The following KHDRBS2 variants were observed in gnomAD, a reference collection of about 807,000 sequenced individuals.
The protein encoded by KHDRBS2 is KH domain-containing, RNA-binding, signal transduction-associated protein 2.
In KHDRBS2, 26 loss-of-function variants were observed where a neutral mutation model predicts 44.3. The observed-to-expected ratio is 0.59, with a 90% CI of 0.43 to 0.81. KHDRBS2 has a LOEUF of 0.81. KHDRBS2 is among the 40% of genes least tolerant of loss of function. The pLI, the probability that KHDRBS2 is intolerant of heterozygous loss-of-function variation, is 0.00. For missense variants in KHDRBS2, 476 were observed against 433.1 expected (o/e 1.10, Z -0.88); for synonymous variants, 194 against 151.1 (o/e 1.28, Z -2.08).
chr6:61,775,061 T>C (rs1436575142), intron 6 of KHDRBS2, among the ~76,000 whole-genome samples: 1 of 152,142 alleles, frequency 6.6e-6, no homozygotes, highest in African/African-American at 2.4e-5. Context: ...TCTCAAGAGA[T>C]GCAGAAAAGA....
At chr6:61,577,951 A>G in the KHDRBS2 span, among the ~76,000 whole-genome samples, 3 of 152,308 alleles carry the variant, frequency 2.0e-5, no homozygotes, top group South Asian at 6.2e-4. Flanking sequence ...ATATCATCAA[A>G]CACTATAAGT....
At chr6:61,554,306 T>C in the KHDRBS2 span, among the ~76,000 whole-genome samples, 2,281 of 152,272 alleles carry the variant, frequency 0.015, 58 homozygotes, top group African/African-American at 0.053. Context: ...GTCTGTTTTA[T>C]CTGAAATTAG....
At chr6:62,045,177 G>C (rs1195210299) in intron 3 of KHDRBS2, among the ~76,000 whole-genome samples, 1 of 151,962 alleles carries the variant, frequency 6.6e-6, no homozygotes, top group Non-Finnish European at 1.5e-5. Flanking sequence ...AAAGAATGAA[G>C]GTGAGCCAGT....
intron 2 of KHDRBS2, among the ~76,000 whole-genome samples, chr6:62,085,823 G>T (rs1174600159): frequency 6.6e-6 from 1 of 152,142 alleles, no homozygotes; most frequent in African/African-American, 2.4e-5. Context: ...TCATGAAAAA[G>T]GGGCACTGAA....
At chr6:62,248,808 C>G (rs1233214147) in intron 1 of KHDRBS2, among the ~76,000 whole-genome samples, 2 of 152,046 alleles carry the variant, frequency 1.3e-5, no homozygotes, top group African/African-American at 2.4e-5. Flanking sequence ...AGTAAACATG[C>G]TGTACCATTG....
At chr6:61,750,789 C>T (rs901291591) in intron 6 of KHDRBS2, among the ~76,000 whole-genome samples, 3 of 149,124 alleles carry the variant, frequency 2.0e-5, no homozygotes, top group Non-Finnish European at 4.4e-5. Context: ...ATCTAGGAGG[C>T]AATACATCAT....
At chr6:61,834,094 C>T (rs753742149) in intron 6 of KHDRBS2, among the ~76,000 whole-genome samples, 2 of 152,030 alleles carry the variant, frequency 1.3e-5, no homozygotes, top group Non-Finnish European at 2.9e-5. Flanking sequence ...CAAACATAGC[C>T]TTCACCTATA....
intron 6 of KHDRBS2, among the ~76,000 whole-genome samples, chr6:61,883,803 C>G (rs2127319948): frequency 6.6e-6 from 1 of 152,052 alleles, no homozygotes; most frequent in South Asian, 2.1e-4. Flanking sequence ...TTTCAAGAAA[C>G]AAAACTCTGC....
chr6:62,132,030 A>T (rs1388463129), intron 2 of KHDRBS2, among the ~76,000 whole-genome samples: 3 of 152,144 alleles, frequency 2.0e-5, no homozygotes, highest in African/African-American at 7.2e-5. Context: ...CATCTCTATA[A>T]ACTTGCTAAT....
At chr6:61,861,655 G>GTTT (rs1275266652) in intron 6 of KHDRBS2, among the ~76,000 whole-genome samples, 4 of 129,708 alleles carry the variant, frequency 3.1e-5, no homozygotes, top group Non-Finnish European at 4.9e-5. Context: ...GATGCCTCCA[G>GTTT]TTTTGTTTTT....
chr6:62,109,646 T>A lies in KHDRBS2; in HGVS notation c.220-61652A>T, dbSNP rs1260535571. On this transcript the variant is annotated intron_variant, in intron 2 of 8. Transcript: ENST00000281156. Reference sequence around the variant, plus strand: ...ATAGTGGCAATGAACAATTGAAAAATACAATTAAAATACCAGTTACAATAG... The same window carrying A: ...ATAGTGGCAATGAACAATTGAAAAAAACAATTAAAATACCAGTTACAATAG... Among the ~76,000 whole-genome samples the A allele has an allele frequency of 4.6e-5, 7 of 151,774 alleles. No homozygotes were observed. The East Asian group carries it at 1.4e-3, about 29-fold the overall frequency.
At chr6:61,866,273 G>A (rs1388067004) in intron 6 of KHDRBS2, among the ~76,000 whole-genome samples, 1 of 152,202 alleles carries the variant, frequency 6.6e-6, no homozygotes, top group Non-Finnish European at 1.5e-5. Context: ...CTAGGTGGAG[G>A]CTCCCAAGCC....
chr6:62,037,467 CG>C (rs1021703221), intron 3 of KHDRBS2, among the ~76,000 whole-genome samples: 3 of 145,506 alleles, frequency 2.1e-5, no homozygotes, highest in African/African-American at 7.7e-5. Context: ...AATTTTTAGG[CG>C]AAAAAAAAAG....
intron 6 of KHDRBS2, among the ~76,000 whole-genome samples, chr6:61,854,104 A>G (rs1396812209): frequency 6.6e-6 from 1 of 150,600 alleles, no homozygotes; most frequent in African/African-American, 2.4e-5. Context: ...AAAACTCACC[A>G]TTTCTGGAAC....
At position 62,285,814 on chromosome 6, in the gene KHDRBS2, T is replaced by C. The variant is rs184396427; in HGVS notation, c.91+44A>G. ...TCCCCTAATCAAGCCGCGGGTGAGA[T>C]AGGCAGCCGGCGGTTTGTGCCCATC... On this transcript the variant is annotated intron_variant, in intron 1 of 8. Coordinates refer to ENST00000281156, the MANE Select transcript of KHDRBS2 (RefSeq NM_152688.4). 1.4e-4 allele frequency: 198 copies of C among 1,409,220 alleles called. No homozygotes were observed. In the African/African-American group the frequency reaches 2.4e-3, roughly 17 times the overall value. 87.3% of individuals were successfully genotyped at this position (1,409,220 alleles called of 1,614,324 possible).
intron 4 of KHDRBS2, among the ~76,000 whole-genome samples, chr6:61,954,021 C>T (rs572041305): frequency 1.3e-5 from 2 of 152,090 alleles, no homozygotes; most frequent in Non-Finnish European, 2.9e-5. Context: ...ATAAACAAGA[C>T]ATCAGGACAA....
chr6:62,187,105 A>T (rs1823599912), intron 1 of KHDRBS2, among the ~76,000 whole-genome samples: 1 of 152,126 alleles, frequency 6.6e-6, no homozygotes, highest in Non-Finnish European at 1.5e-5. Flanking sequence ...TGGCAAAGAC[A>T]ACATCAAGTT....
intron 2 of KHDRBS2, among the ~76,000 whole-genome samples, chr6:62,082,219 C>CA (rs1252611422): frequency 1.3e-5 from 2 of 151,342 alleles, no homozygotes; most frequent in African/African-American, 4.9e-5. Context: ...AATTAGGAAA[C>CA]AAAATGATTA....
chr6:62,201,095 G>A (rs1173666640), intron 1 of KHDRBS2, among the ~76,000 whole-genome samples: 1 of 152,134 alleles, frequency 6.6e-6, no homozygotes, highest in East Asian at 1.9e-4. Flanking sequence ...GGGGTGAGGG[G>A]AGCAGGGAGA....
Sources: allele counts gnomAD v4.1 joint callset (sites outside exome capture counted in the v4.1 genomes callset), GRCh38; gene constraint gnomAD v4.1.1; transcripts MANE v1.5; gene names NCBI Gene and HGNC (gene_info 2026-07-23, HGNC 2026-07-21).